Variants in ROBO1 observed in about 807,000 individuals in gnomAD.
The protein encoded by ROBO1 is roundabout guidance receptor 1.
In ROBO1, 149 loss-of-function variants were observed where a neutral mutation model predicts 195.9. The observed-to-expected ratio is 0.76, with a 90% confidence interval of 0.67 to 0.87. The LOEUF is 0.87. Ranked by LOEUF, ROBO1 falls within the 40% of genes least tolerant of loss-of-function variation. The pLI, the probability that ROBO1 is intolerant of heterozygous loss-of-function variation, is 0.00. For missense variants in ROBO1, 1,933 were observed against 2,068.3 expected, an observed-to-expected ratio of 0.93 and a Z score of 1.27; for synonymous variants, 816 against 733.2, an observed-to-expected ratio of 1.11 and a Z score of -1.82.
intron 2 of ROBO1, among the ~76,000 whole-genome samples, chr3:79,155,428 A>T (rs1027804622): frequency 6.6e-6 from 1 of 151,814 alleles, no homozygotes; most frequent in African/African-American, 2.4e-5. Context: ...TCTACAAAGA[A>T]AAACTTTTTC....
chr3:78,950,028 T>A (rs952145972), intron 3 of ROBO1, among the ~76,000 whole-genome samples: 79 of 152,092 alleles, frequency 5.2e-4, no homozygotes, highest in Non-Finnish European at 9.9e-4. Context: ...CTGGAGAGGA[T>A]GTGGAGAAAT....
intron 2 of ROBO1, among the ~76,000 whole-genome samples, chr3:79,136,334 A>G (rs191270139): frequency 6.6e-6 from 1 of 152,316 alleles, no homozygotes. Flanking sequence ...TATGTATAAT[A>G]AAAACATAAA....
At chr3:78,604,069 T>G (rs1703329442) in intron 29 of ROBO1, among the ~76,000 whole-genome samples, 1 of 152,000 alleles carries the variant, frequency 6.6e-6, no homozygotes, top group Admixed American at 6.6e-5. Context: ...TTTATTTATT[T>G]ATTTATTTAT....
intron 1 of ROBO1, among the ~76,000 whole-genome samples, chr3:79,767,091 C>G (rs1705038595): frequency 6.6e-6 from 1 of 152,066 alleles, no homozygotes; most frequent in Admixed American, 6.6e-5. Context: ...GTCAAAAGTC[C>G]CCACTGCCTA....
At chr3:79,474,733 T>C (rs940555515) in intron 2 of ROBO1, among the ~76,000 whole-genome samples, 2 of 152,118 alleles carry the variant, frequency 1.3e-5, no homozygotes, top group African/African-American at 4.8e-5. Flanking sequence ...AACCTACTCC[T>C]TGAAGATTTA....
At chr3:79,747,685 A>T (rs1213878867) in intron 1 of ROBO1, among the ~76,000 whole-genome samples, 1 of 152,036 alleles carries the variant, frequency 6.6e-6, no homozygotes, top group African/African-American at 2.4e-5. Context: ...ACTAAAAGAC[A>T]TCCCAGGAAA....
intron 2 of ROBO1, among the ~76,000 whole-genome samples, chr3:79,344,730 G>C (rs888024613): frequency 6.6e-6 from 1 of 152,090 alleles, no homozygotes; most frequent in Admixed American, 6.6e-5. Context: ...TGGAGAGAGA[G>C]AGAGAGAGGG....
chr3:79,529,139 T>A (rs1941548344), intron 2 of ROBO1, among the ~76,000 whole-genome samples: 1 of 152,190 alleles, frequency 6.6e-6, no homozygotes, highest in Admixed American at 6.5e-5. Context: ...TGTCTTGCCA[T>A]AACAATGGTT....
At chr3:79,644,534 A>G (rs1376246400) in intron 1 of ROBO1, among the ~76,000 whole-genome samples, 1 of 152,076 alleles carries the variant, frequency 6.6e-6, no homozygotes, top group Non-Finnish European at 1.5e-5. Context: ...TGTGCAGGGG[A>G]AGTCCTCTTT....
At chr3:78,660,861 G>A (rs1486304499) in intron 16 of ROBO1, 169 bp downstream of exon 16, 1 of 559,216 alleles carries the variant, frequency 1.8e-6, no homozygotes, top group African/African-American at 1.9e-5. Flanking sequence ...ATAGCATTTT[G>A]CTTTTCTAGT....
At chr3:78,818,382 CCT>C (rs1293501251) in intron 4 of ROBO1, among the ~76,000 whole-genome samples, 4 of 152,182 alleles carry the variant, frequency 2.6e-5, no homozygotes, top group Non-Finnish European at 4.4e-5. Context: ...TTATTCATCC[CCT>C]GTGCCTCTGG....
intron 3 of ROBO1, among the ~76,000 whole-genome samples, chr3:78,989,293 C>T (rs984436595): frequency 6.6e-6 from 1 of 152,074 alleles, no homozygotes; most frequent in African/African-American, 2.4e-5. Flanking sequence ...TATTCTTTGT[C>T]TATTTAAGAA....
At chr3:79,595,734 T>C (rs1044022758) in intron 1 of ROBO1, among the ~76,000 whole-genome samples, 31 of 151,112 alleles carry the variant, frequency 2.1e-4, no homozygotes, top group Non-Finnish European at 8.9e-5. Context: ...CTTTTTTTTT[T>C]TTTTTGTCGA....
intron 4 of ROBO1, among the ~76,000 whole-genome samples, chr3:78,900,080 G>A (rs1159427172): frequency 2.0e-5 from 3 of 152,102 alleles, no homozygotes; most frequent in Non-Finnish European, 4.4e-5. Context: ...TAAGAAATAC[G>A]ATCTGTTTCC....
intron 4 of ROBO1, among the ~76,000 whole-genome samples, chr3:78,878,601 A>C (rs936751146): frequency 2.6e-5 from 4 of 151,196 alleles, no homozygotes; most frequent in African/African-American, 9.7e-5. Flanking sequence ...AAAAAAAAAA[A>C]AAAAAAACTG....
intron 1 of ROBO1, among the ~76,000 whole-genome samples, chr3:79,661,205 A>G (rs987235124): frequency 2.0e-5 from 3 of 152,072 alleles, no homozygotes; most frequent in African/African-American, 4.8e-5. Flanking sequence ...TGCTTCAGAG[A>G]TCCACTCCAT....
chr3:78,751,936 AT>A (rs1276249170), intron 4 of ROBO1, among the ~76,000 whole-genome samples: 2 of 151,992 alleles, frequency 1.3e-5, no homozygotes, highest in African/African-American at 4.8e-5. Context: ...CCTGGGATTT[AT>A]TTTTTTCTAC....
intron 2 of ROBO1, among the ~76,000 whole-genome samples, chr3:79,356,408 G>T (rs2035557529): frequency 6.6e-6 from 1 of 152,130 alleles, no homozygotes; most frequent in South Asian, 2.1e-4. Context: ...CAGAATAAAT[G>T]CTAATCAAAT....
At chr3:79,048,678 A>T (rs1433285299) in intron 3 of ROBO1, among the ~76,000 whole-genome samples, 1 of 152,008 alleles carries the variant, frequency 6.6e-6, no homozygotes, top group East Asian at 1.9e-4. Context: ...TCTTCCCTCT[A>T]TTGTCACACT....
Sources: allele counts gnomAD v4.1 joint callset (sites outside exome capture counted in the v4.1 genomes callset), GRCh38; gene constraint gnomAD v4.1.1; transcripts MANE v1.5; gene names NCBI Gene and HGNC (gene_info 2026-07-23, HGNC 2026-07-21).